Variants in SLC22A23 observed in about 807,000 individuals in gnomAD.
SLC22A23 encodes the protein solute carrier family 22 member 23.
SLC22A23 carries 26 observed loss-of-function variants against 61.0 expected under a neutral mutation model. The ratio of observed to expected loss-of-function variants is 0.43; its 90% CI spans 0.31 to 0.59. SLC22A23 has a LOEUF of 0.59. Ranked by LOEUF, SLC22A23 falls within the 20% of genes least tolerant of loss-of-function variation. SLC22A23 has a pLI of 0.11. For missense variants in SLC22A23, 796 were observed against 934.7 expected, an observed-to-expected ratio of 0.85 and a Z score of 1.94; for synonymous variants, 430 against 413.9, an observed-to-expected ratio of 1.04 and a Z score of -0.47.
rs9391992 is a variant in SLC22A23, at chr6:3,369,010, T to C, written c.913+41178A>G. ...TGGTCTTTCCCAGAGATGGCTCTAT[T>C]TTTAACCTAATTCTGACTGTCACTA... On this transcript the variant is annotated intron_variant, in intron 3 of 9. Transcript: ENST00000406686. 0.015 allele frequency among the ~76,000 whole-genome samples: 2,318 copies of C among 152,312 alleles called. 147 individuals are homozygous for C. In the East Asian group the frequency reaches 0.21, roughly 14 times the overall value.
At chr6:3,444,464 T>C (rs1771777633) in intron 1 of SLC22A23, among the ~76,000 whole-genome samples, 1 of 152,170 alleles carries the variant, frequency 6.6e-6, no homozygotes, top group African/African-American at 2.4e-5. Flanking sequence ...ACAACTCGTC[T>C]CTCAAATTCC....
Position 3,365,177 on chromosome 6 carries a change from C to T in SLC22A23, c.914-41175G>A, listed in dbSNP as rs61444050. On this transcript the variant is annotated intron_variant, in intron 3 of 9. Coordinates refer to ENST00000406686, the MANE Select transcript of SLC22A23 (RefSeq NM_015482.2). ...CTACTAAAAATACAAAAAAATTTAG[C>T]TGGGCATGGTGGCACGCACCTGTAG... 9.1e-3 allele frequency among the ~76,000 whole-genome samples: 1,388 copies of T among 152,214 alleles called. 16 individuals are homozygous for T. The highest frequency in any genetic ancestry group is 0.032 in the African/African-American group (1,331 of 41,514).
chr6:3,288,295 C>T (rs567065921), intron 6 of SLC22A23, among the ~76,000 whole-genome samples: 1 of 152,344 alleles, frequency 6.6e-6, no homozygotes, highest in Admixed American at 6.5e-5. Flanking sequence ...CCCTTTCGTG[C>T]TTCAGGGAAA....
chr6:3,434,879 GTT>G (rs1167419095), intron 1 of SLC22A23, among the ~76,000 whole-genome samples: 2 of 152,150 alleles, frequency 1.3e-5, no homozygotes, highest in African/African-American at 4.8e-5. Context: ...AGATGTGAAA[GTT>G]TCCCACAGAT....
chr6:3,272,271 A>G lies in SLC22A23; in HGVS notation c.*784T>C, dbSNP rs1379754135. On this transcript the variant is annotated 3_prime_UTR_variant, in exon 10 of 10. Coordinates refer to ENST00000406686, the MANE Select transcript of SLC22A23 (RefSeq NM_015482.2). Reference sequence around the variant, plus strand: ...GAGCCAATCTGGGAGAGGAGGAATAAAAACGAGCACATCTCAGGTCTCGAC... The same window carrying G: ...GAGCCAATCTGGGAGAGGAGGAATAGAAACGAGCACATCTCAGGTCTCGAC... The G allele has an allele frequency of 6.5e-6, 1 of 152,746 alleles. No individual in the cohort carries two copies. The highest frequency in any genetic ancestry group is 1.9e-4 in the East Asian group (1 of 5,328). 9.5% of individuals were successfully genotyped at this position (152,746 alleles called of 1,614,324 possible). A position where few individuals can be genotyped will look rare whatever the true frequency, so the allele number is the denominator to read the frequency against.
At chr6:3,313,112 C>T (rs1047875168) in intron 4 of SLC22A23, 6 of 152,164 alleles carry the variant, frequency 3.9e-5, no homozygotes, top group African/African-American at 1.4e-4. Context: ...TTTGTGTTGA[C>T]GCAGAGGTTC....
intron 3 of SLC22A23, among the ~76,000 whole-genome samples, chr6:3,401,787 C>T (rs1768409571): frequency 6.6e-6 from 1 of 152,218 alleles, no homozygotes; most frequent in Non-Finnish European, 1.5e-5. Flanking sequence ...GTGAGCTCAG[C>T]TCTGGTAACC....
intron 1 of SLC22A23, among the ~76,000 whole-genome samples, chr6:3,423,697 T>C (rs1457072645): frequency 6.6e-6 from 1 of 152,216 alleles, no homozygotes; most frequent in Non-Finnish European, 1.5e-5. Flanking sequence ...GCACACAGGC[T>C]TCTAGCAACT....
intron 3 of SLC22A23, among the ~76,000 whole-genome samples, chr6:3,363,036 T>A (rs1018234169): frequency 6.6e-5 from 10 of 152,206 alleles, no homozygotes; most frequent in Non-Finnish European, 1.3e-4. Flanking sequence ...TGCTCAGCAC[T>A]CGGTGGGACA....
At chr6:3,380,643 A>AT (rs1401813356) in intron 3 of SLC22A23, among the ~76,000 whole-genome samples, 1 of 147,668 alleles carries the variant, frequency 6.8e-6, no homozygotes, top group African/African-American at 2.6e-5. Flanking sequence ...ACATTAAGTT[A>AT]TTAAAAAAAA....
intron 6 of SLC22A23, among the ~76,000 whole-genome samples, chr6:3,288,875 G>C (rs536892952): frequency 5.9e-5 from 9 of 152,210 alleles, no homozygotes; most frequent in Non-Finnish European, 1.3e-4. Flanking sequence ...TTGGGCAGTA[G>C]AGCCTCTTGT....
At chr6:3,337,881 T>G (rs1382761279) in intron 3 of SLC22A23, among the ~76,000 whole-genome samples, 2 of 152,160 alleles carry the variant, frequency 1.3e-5, no homozygotes, top group Non-Finnish European at 2.9e-5. Context: ...TTATTTTGAG[T>G]TGAAGGCAAT....
Position 3,309,102 on chromosome 6 carries a change from C to A in SLC22A23, c.1083-10884G>T, listed in dbSNP as rs1762192339. Among the ~76,000 whole-genome samples the A allele has an allele frequency of 1.3e-5, 2 of 151,230 alleles. No homozygotes were observed. The highest frequency in any genetic ancestry group is 4.9e-5 in the African/African-American group (2 of 41,052). ...ATCATTTGAGGTCAGGAGTTTGAGA[C>A]CAGCCTGTCCAACATGGTGAAACCC... On this transcript the variant is annotated intron_variant, in intron 4 of 9. Transcript: ENST00000406686. The surrounding 1 kb of genome is among the most constrained non-coding windows in gnomAD (Gnocchi z 4.7).
In SLC22A23 at chr6:3,317,142, G is replaced by A. The variant is rs115162406; in HGVS notation, c.1082+6692C>T. On this transcript the variant is annotated intron_variant, in intron 4 of 9. Transcript: ENST00000406686. This position sits in a 1 kb window ranked among gnomAD's most constrained non-coding sequence, Gnocchi z 4.4. ...TGTCATTCCTCAATAGTGAATTCCC[G>A]CGCAGGAAACTTGATGTCACCCTGT... Among the ~76,000 whole-genome samples, 139 of 152,232 alleles carry A rather than the reference G, an allele frequency of 9.1e-4. No individual in the cohort carries two copies. The highest frequency in any genetic ancestry group is 1.6e-3 in the Non-Finnish European group (107 of 68,022).
chr6:3,351,864 A>T (rs1312769676), intron 3 of SLC22A23, among the ~76,000 whole-genome samples: 2 of 152,188 alleles, frequency 1.3e-5, no homozygotes, highest in Non-Finnish European at 2.9e-5. Context: ...GGTGAGCAGG[A>T]GGATGGGCAG....
At chr6:3,447,523 A>C (rs1220555134) in intron 1 of SLC22A23, among the ~76,000 whole-genome samples, 2 of 152,042 alleles carry the variant, frequency 1.3e-5, no homozygotes, top group East Asian at 3.9e-4. Flanking sequence ...ACATAGCACA[A>C]TGCTCAGCTC....
At chr6:3,385,148 CTGGAGA>C (rs1767208039) in intron 3 of SLC22A23, among the ~76,000 whole-genome samples, 1 of 152,080 alleles carries the variant, frequency 6.6e-6, no homozygotes, top group African/African-American at 2.4e-5. Context: ...GAAAAGAGTT[CTGGAGA>C]TGGATGGTGG....
At chr6:3,293,004 TGA>T (rs1760747645) in intron 5 of SLC22A23, among the ~76,000 whole-genome samples, 1 of 152,128 alleles carries the variant, frequency 6.6e-6, no homozygotes, top group Admixed American at 6.5e-5. Context: ...CCATCTGGTG[TGA>T]GAGGTAAACC....
At chr6:3,364,020 A>G (rs973833975) in intron 3 of SLC22A23, among the ~76,000 whole-genome samples, 1 of 152,226 alleles carries the variant, frequency 6.6e-6, no homozygotes, top group African/African-American at 2.4e-5. Context: ...GGGCCCACAC[A>G]ACAGAAGGCT....
Sources: gnomAD v4.1 joint callset for allele counts (sites outside exome capture counted in the v4.1 genomes callset) on GRCh38, gnomAD v4.1.1 for gene constraint, Gnocchi (gnomAD v3.1) non-coding constraint, MANE v1.5 for transcripts, NCBI Gene and HGNC (gene_info 2026-07-23, HGNC 2026-07-21) for gene names.